NEK10: variants seen among roughly 807,000 people sequenced by gnomAD.
NEK10 encodes NIMA related kinase 10.
A neutral mutation model predicts 159.8 loss-of-function variants in NEK10; 122 were observed. The observed-to-expected ratio is 0.76, with a 90% CI of 0.66 to 0.89. The LOEUF (loss-of-function observed/expected upper bound fraction) is 0.89. Ranked by LOEUF, NEK10 falls within the 40% of genes least tolerant of loss-of-function variation. The probability of loss-of-function intolerance (pLI) is 0.00; values close to 1 mark genes in which losing one functional copy is unlikely to be tolerated. For synonymous variants in NEK10, 466 were observed against 457.1 expected (o/e 1.02, Z -0.25); for missense variants, 1,342 against 1,323.1 (o/e 1.01, Z -0.22).
intron 5 of NEK10, among the ~76,000 whole-genome samples, chr3:27,334,285 A>C (rs184642389): frequency 6.6e-6 from 1 of 152,314 alleles, no homozygotes; most frequent in African/African-American, 2.4e-5. Flanking sequence ...ACCAGCATGC[A>C]TTACTTGGGA....
At chr3:27,304,700 G>C (rs762603995) in intron 12 of NEK10, 47 bp downstream of exon 12, 5 of 1,230,420 alleles carry the variant, frequency 4.1e-6, no homozygotes, top group Non-Finnish European at 6.0e-6. Flanking sequence ...AGAGTCCCCA[G>C]ACTTCAACAA....
intron 22 of NEK10, among the ~76,000 whole-genome samples, chr3:27,281,435 A>G (rs1038518547): frequency 6.6e-6 from 1 of 152,112 alleles, no homozygotes; most frequent in African/African-American, 2.4e-5. Context: ...AAAATACCTC[A>G]TGTATCAAGA....
At chr3:27,185,200 G>A (rs1948501326) in intron 26 of NEK10, among the ~76,000 whole-genome samples, 2 of 152,112 alleles carry the variant, frequency 1.3e-5, no homozygotes, top group South Asian at 4.2e-4. Flanking sequence ...CAAAGTAGAT[G>A]GAATTTAAGA....
Position 27,331,262 on chromosome 3 carries a change from A to AAAAAAAAAAAAAAAAAAAAAAACAC in NEK10, c.363-9002_363-9001insGTGTTTTTTTTTTTTTTTTTTTTTT. ...CAAAAAAAAAAAAACAAAAAAAAAA[A>AAAAAAAAAAAAAAAAAAAAAAACAC]ACACACAAACCTAAGACTTTTGAGG... On this transcript the variant is annotated intron_variant, in intron 5 of 35. Coordinates refer to ENST00000691995, the MANE Select transcript of NEK10 (RefSeq NM_001394966.1). Among the ~76,000 whole-genome samples, 6 of 110,142 alleles carry AAAAAAAAAAAAAAAAAAAAAAACAC rather than the reference A, an allele frequency of 5.4e-5. 1 individual carries two copies. The highest frequency in any genetic ancestry group is 7.8e-5 in the Non-Finnish European group (4 of 51,062). 72.3% of individuals were successfully genotyped at this position (110,142 alleles called of 152,430 possible).
intron 30 of NEK10, among the ~76,000 whole-genome samples, chr3:27,142,469 G>A (rs1212249444): frequency 6.6e-6 from 1 of 150,422 alleles, no homozygotes; most frequent in Non-Finnish European, 1.5e-5. Context: ...AACCTAGAGT[G>A]TGCTTTCCGC....
At chr3:27,295,185 C>T (rs1023692914) in intron 15 of NEK10, among the ~76,000 whole-genome samples, 7 of 152,158 alleles carry the variant, frequency 4.6e-5, no homozygotes, top group Admixed American at 3.3e-4. Flanking sequence ...CATGCTGTTC[C>T]CTCTGCATGG....
intron 30 of NEK10, among the ~76,000 whole-genome samples, chr3:27,161,670 G>C (rs888930086): frequency 6.6e-6 from 1 of 152,124 alleles, no homozygotes; most frequent in Admixed American, 6.5e-5. Context: ...ACAAAAATTA[G>C]AAACATTAAC....
In NEK10 at chr3:27,352,459, C is replaced by T. The variant is rs536145872; in HGVS notation, c.132+6G>A. The T allele has an allele frequency of 6.7e-5, 108 of 1,601,086 alleles. No individual in the cohort carries two copies. In the Middle Eastern group the frequency reaches 8.3e-4, roughly 12 times the overall value. On this transcript the variant is annotated splice_donor_region_variant and intron_variant, in intron 3 of 35. Transcript: ENST00000691995. ...TTACCAAGTGAACATTCTTTGAAAA[C>T]GCTACCTGTTGTTTGCTTGATTGGA...
Position 27,306,884 on chromosome 3 carries a change from C to T in NEK10, c.803+975G>A, listed in dbSNP as rs534191756. 4.6e-5 allele frequency among the ~76,000 whole-genome samples: 7 copies of T among 152,102 alleles called. No homozygotes were observed. The East Asian group carries it at 1.2e-3, about 25-fold the overall frequency. The stretch of plus-strand genomic sequence containing the variant: ...CAACCATCACATTCCTCTAACACAC[C>T]CAATTTCATGCCTCCATGTCCAAGC... On this transcript the variant is annotated intron_variant, in intron 11 of 35. Transcript: ENST00000691995.
chr3:27,194,704 T>C (rs1012375797), intron 25 of NEK10: 1 of 152,222 alleles, frequency 6.6e-6, no homozygotes, highest in East Asian at 1.9e-4. Flanking sequence ...TTAACTTTGT[T>C]AGTCCTCATG....
intron 1 of NEK10, among the ~76,000 whole-genome samples, chr3:27,361,366 T>C (rs2048673199): frequency 6.6e-6 from 1 of 152,166 alleles, no homozygotes; most frequent in African/African-American, 2.4e-5. Flanking sequence ...GAGACTTACA[T>C]ATTAAGCAGC....
chr3:27,145,553 C>T (rs1944221116), intron 30 of NEK10, among the ~76,000 whole-genome samples: 1 of 152,048 alleles, frequency 6.6e-6, no homozygotes, highest in African/African-American at 2.4e-5. Context: ...TTTTGTTTCC[C>T]CTTTGCAGTG....
chr3:27,265,245 T>C (rs2040792181), intron 22 of NEK10, among the ~76,000 whole-genome samples: 1 of 152,222 alleles, frequency 6.6e-6, no homozygotes. Flanking sequence ...GTACAATATG[T>C]GCATATGAAT....
At chr3:27,188,560 T>C (rs1948828545) in intron 26 of NEK10, among the ~76,000 whole-genome samples, 2 of 152,160 alleles carry the variant, frequency 1.3e-5, no homozygotes, top group South Asian at 2.1e-4. Context: ...AGCCTTTAAA[T>C]AGGGGTGGTG....
intron 9 of NEK10, 193 bp from the exon 10 acceptor site, chr3:27,309,198 A>C (rs906778943): frequency 2.7e-6 from 1 of 368,358 alleles, no homozygotes; most frequent in Non-Finnish European, 5.0e-6. Context: ...AATTAAGCAC[A>C]AACTATATAT....
At chr3:27,175,228 C>G (rs925517436) in intron 26 of NEK10, among the ~76,000 whole-genome samples, 3 of 152,158 alleles carry the variant, frequency 2.0e-5, no homozygotes, top group Non-Finnish European at 4.4e-5. Flanking sequence ...AAGGCTTATT[C>G]TCTTCAAAAC....
intron 22 of NEK10, among the ~76,000 whole-genome samples, chr3:27,282,342 T>A (rs1413648276): frequency 6.6e-6 from 1 of 151,514 alleles, no homozygotes; most frequent in Non-Finnish European, 1.5e-5. Context: ...AAATATAAGT[T>A]TAGAAAAAAA....
At chr3:27,304,665 A>C in intron 12 of NEK10, 82 bp downstream of exon 12, 1 of 858,872 alleles carries the variant, frequency 1.2e-6, no homozygotes, top group East Asian at 2.5e-5. Flanking sequence ...ATGAGGTGAC[A>C]CACACCAATC....
At chr3:27,253,796 A>G (rs1235661360) in intron 23 of NEK10, among the ~76,000 whole-genome samples, 2 of 152,184 alleles carry the variant, frequency 1.3e-5, no homozygotes, top group African/African-American at 4.8e-5. Flanking sequence ...GGCTCAGACA[A>G]GCTTAGAAAA....
Sources: allele counts gnomAD v4.1 joint callset (sites outside exome capture counted in the v4.1 genomes callset), GRCh38; gene constraint gnomAD v4.1.1; transcripts MANE v1.5; gene names NCBI Gene and HGNC (gene_info 2026-07-23, HGNC 2026-07-21).